Variants in ESRRG observed in about 807,000 individuals in gnomAD.
ESRRG encodes the protein estrogen related receptor gamma.
Under a neutral mutation model 44.0 loss-of-function variants are expected in ESRRG, and 13 were observed. The observed-to-expected ratio is 0.30, with a 90% CI of 0.19 to 0.47. The LOEUF (loss-of-function observed/expected upper bound fraction) is 0.47, where lower values mean the gene tolerates loss of function less well. Among genes scored for constraint, ESRRG ranks in the 20% least tolerant of loss-of-function variants. The pLI, the probability that ESRRG is intolerant of heterozygous loss-of-function variation, is 1.00. For synonymous variants in ESRRG, 215 were observed against 214.6 expected, an observed-to-expected ratio of 1.00 and a Z score of -0.02; for missense variants, 395 against 580.6, an observed-to-expected ratio of 0.68 and a Z score of 3.29.
chr1:217,024,537 C>A (rs1482390004), intron 1 of ESRRG, among the ~76,000 whole-genome samples: 1 of 152,046 alleles, frequency 6.6e-6, no homozygotes, highest in Non-Finnish European at 1.5e-5. Context: ...ACAAACACAC[C>A]AAAGCCTGGA....
intron 2 of ESRRG, among the ~76,000 whole-genome samples, chr1:216,819,045 G>A (rs1241195534): frequency 6.6e-6 from 1 of 152,030 alleles, no homozygotes; most frequent in Non-Finnish European, 1.5e-5. Context: ...TCATGTCTTT[G>A]CTATTGTGAA....
rs556478405 is a variant in ESRRG at position 216,781,140 on chromosome 1, T to A, written c.-13-103649A>T. On this transcript the variant is annotated intron_variant, in intron 2 of 7. Coordinates refer to the ESRRG transcript ENST00000359162. ...TTGTGACTAATAAGTATATAGAAGA[T>A]GATAGTATATATTACTATTTTAACA... is the stretch of plus-strand genomic sequence containing the variant. 3.3e-5 allele frequency among the ~76,000 whole-genome samples: 5 copies of A among 152,136 alleles called. No individual in the cohort carries two copies. In the East Asian group the frequency reaches 9.7e-4, roughly 29 times the overall value.
chr1:216,994,510 A>C (rs1182008325), intron 1 of ESRRG, among the ~76,000 whole-genome samples: 1 of 152,172 alleles, frequency 6.6e-6, no homozygotes, highest in Non-Finnish European at 1.5e-5. Flanking sequence ...CTTTGTGCTT[A>C]TCCATAAGAG....
In ESRRG at chr1:216,968,764, C is replaced by T. The variant is rs2071008377; in HGVS notation, c.-105-29091G>A. Reference sequence around the variant, plus strand: ...GGGTTGATATCCACAGACTAACTTGCTGAAATTTTGATTGGAATTGCATTG... The same window carrying T: ...GGGTTGATATCCACAGACTAACTTGTTGAAATTTTGATTGGAATTGCATTG... On this transcript the variant is annotated intron_variant, in intron 1 of 7. Coordinates refer to the ESRRG transcript ENST00000359162. Among the ~76,000 whole-genome samples, 3 of 149,436 alleles carry T rather than the reference C, an allele frequency of 2.0e-5. No homozygotes were observed. The East Asian group carries it at 5.9e-4, about 29-fold the overall frequency.
At chr1:216,716,915 A>C (rs2085012295) in intron 1 of ESRRG, among the ~76,000 whole-genome samples, 1 of 151,870 alleles carries the variant, frequency 6.6e-6, no homozygotes, top group Non-Finnish European at 1.5e-5. Context: ...GTATACTGAA[A>C]TGGACTTTAA....
At chr1:216,650,924 A>G (rs763371099) in intron 3 of ESRRG, 49 bp downstream of exon 3, 1 of 1,227,644 alleles carries the variant, frequency 8.1e-7, no homozygotes, top group Non-Finnish European at 1.2e-6. Context: ...TTTGCCTCCC[A>G]TCCCCACAGC....
intron 3 of ESRRG, 148 bp downstream of exon 3, chr1:216,650,825 T>G (rs979650646): frequency 3.0e-6 from 2 of 672,436 alleles, no homozygotes; most frequent in African/African-American, 1.8e-5. Context: ...TATCAGAAAG[T>G]CCAGGTATAA....
Position 216,642,598 on chromosome 1 carries a change from T to C in ESRRG, c.589+8375A>G, listed in dbSNP as rs1010112533. On this transcript the variant is annotated intron_variant, in intron 3 of 6. Coordinates refer to ENST00000408911, the MANE Select transcript of ESRRG (RefSeq NM_001438.4). ...AATGAGGGAGCTTCTTAGGATAATATTACAACAGAGAGTGCAAGAAATACC... is the reference window on the plus strand; with the variant it reads ...AATGAGGGAGCTTCTTAGGATAATACTACAACAGAGAGTGCAAGAAATACC... 3.9e-5 allele frequency among the ~76,000 whole-genome samples: 6 copies of C among 152,270 alleles called. No homozygotes were observed. In the East Asian group the frequency reaches 1.2e-3, roughly 29 times the overall value.
At chr1:217,122,327 A>T (rs1473640137) in intron 1 of ESRRG, among the ~76,000 whole-genome samples, 1 of 152,190 alleles carries the variant, frequency 6.6e-6, no homozygotes, top group Non-Finnish European at 1.5e-5. Context: ...CCATGGGAAT[A>T]GACCAGAAAA....
chr1:216,832,041 C>T (rs938764304), intron 2 of ESRRG, among the ~76,000 whole-genome samples: 2 of 152,104 alleles, frequency 1.3e-5, no homozygotes, highest in African/African-American at 4.8e-5. Flanking sequence ...CCCACAGGTC[C>T]CTCTGGGCTC....
At chr1:216,826,640 A>T (rs1030285212) in intron 2 of ESRRG, among the ~76,000 whole-genome samples, 2 of 152,152 alleles carry the variant, frequency 1.3e-5, no homozygotes, top group Non-Finnish European at 2.9e-5. Flanking sequence ...GGTGAATATC[A>T]TTGACTCTAT....
At chr1:216,910,615 C>G (rs796143150) in intron 2 of ESRRG, among the ~76,000 whole-genome samples, 11 of 152,236 alleles carry the variant, frequency 7.2e-5, no homozygotes, top group African/African-American at 2.6e-4. Flanking sequence ...AAATAGGACA[C>G]TATTGAATAA....
intron 1 of ESRRG, among the ~76,000 whole-genome samples, chr1:216,688,322 C>G (rs1022219473): frequency 6.6e-6 from 1 of 152,130 alleles, no homozygotes; most frequent in Admixed American, 6.5e-5. Flanking sequence ...GATTTATACC[C>G]GTCTATCAAG....
intron 2 of ESRRG, among the ~76,000 whole-genome samples, chr1:216,733,548 C>T (rs2089283133): frequency 6.6e-6 from 1 of 152,014 alleles, no homozygotes; most frequent in Non-Finnish European, 1.5e-5. Context: ...TTTATTTTTA[C>T]CATACTTAAT....
At chr1:216,740,788 G>C (rs11572658) in intron 2 of ESRRG, among the ~76,000 whole-genome samples, 1 of 151,902 alleles carries the variant, frequency 6.6e-6, no homozygotes, top group Non-Finnish European at 1.5e-5. Flanking sequence ...TTTATTTGTA[G>C]TGTTTTCCTC....
rs180722094 is a variant in ESRRG at position 216,841,299 on chromosome 1, C to T, written c.-14+98283G>A. Among the ~76,000 whole-genome samples the T allele has an allele frequency of 5.9e-5, 9 of 152,198 alleles. No homozygotes were observed. In the East Asian group the frequency reaches 7.7e-4, roughly 13 times the overall value. ...ACTCCCAGCACTGGCCTCTCCACCCCGCAGGCCTTTTCCGTTTTGAGAAGC... is the reference window on the plus strand; with the variant it reads ...ACTCCCAGCACTGGCCTCTCCACCCTGCAGGCCTTTTCCGTTTTGAGAAGC... On this transcript the variant is annotated intron_variant, in intron 2 of 7. Coordinates refer to the ESRRG transcript ENST00000359162.
At chr1:217,051,563 G>A (rs983387126) in intron 1 of ESRRG, among the ~76,000 whole-genome samples, 1 of 152,154 alleles carries the variant, frequency 6.6e-6, no homozygotes, top group African/African-American at 2.4e-5. Context: ...ACTGGCATGG[G>A]CCATCCTTTA....
rs561204536 is a variant in ESRRG, at chr1:217,101,385, C to T, written c.-230+36282G>A. Among the ~76,000 whole-genome samples, 11 of 152,310 alleles carry T rather than the reference C, an allele frequency of 7.2e-5. 1 individual carries two copies. Among genetic ancestry groups the T allele is most frequent in the African/African-American group, 2.2e-4 (9 of 41,580 alleles). On this transcript the variant is annotated intron_variant, in intron 1 of 8. Transcript: ENST00000366940. The stretch of plus-strand genomic sequence containing the variant: ...TGTTTAGCACAGTGATCATAGCTTT[C>T]AACTAATATCAGTTATTATTTTTGA...
intron 3 of ESRRG, among the ~76,000 whole-genome samples, chr1:216,600,990 A>T (rs2059145541): frequency 6.6e-6 from 1 of 152,174 alleles, no homozygotes; most frequent in South Asian, 2.1e-4. Context: ...AGGGAGAAAG[A>T]GCTGCTTCGG....
Sources: allele counts gnomAD v4.1 joint callset (sites outside exome capture counted in the v4.1 genomes callset), GRCh38; gene constraint gnomAD v4.1.1; transcripts MANE v1.5; gene names NCBI Gene and HGNC (gene_info 2026-07-23, HGNC 2026-07-21).